The following DSG1 variants were observed in gnomAD, a reference collection of about 807,000 sequenced individuals.
DSG1 encodes the protein desmoglein 1.
A neutral mutation model predicts 97.5 loss-of-function variants in DSG1; 39 were observed. The ratio of observed to expected loss-of-function variants is 0.40; its 90% CI spans 0.31 to 0.52. DSG1 has a LOEUF of 0.52. DSG1 is among the 20% of genes least tolerant of loss of function. DSG1 has a pLI of 0.53. For synonymous variants in DSG1, 475 were observed against 443.4 expected (o/e 1.07, Z -0.90); for missense variants, 1,311 against 1,295.4 (o/e 1.01, Z -0.18).
intron 14 of DSG1, among the ~76,000 whole-genome samples, chr18:31,346,656 A>G (rs2071840482): frequency 6.6e-6 from 1 of 152,102 alleles, no homozygotes; most frequent in South Asian, 2.1e-4. Flanking sequence ...CAGTCCAAAT[A>G]TCACTCTCCC....
chr18:31,343,816 T>A (rs1419830904), intron 12 of DSG1, 110 bp from the exon 13 acceptor site: 2 of 837,398 alleles, frequency 2.4e-6, no homozygotes, highest in Admixed American at 2.6e-5. Context: ...CTAAATAGTA[T>A]TTTTTTTTTA....
rs559051142 is a variant in DSG1 at position 31,329,937 on chromosome 18, C to A, written c.418C>A (p.Pro140Thr). 4 of 1,613,276 alleles carry A rather than the reference C, an allele frequency of 2.5e-6. No individual in the cohort carries two copies. The South Asian group carries it at 4.4e-5, about 18-fold the overall frequency. Residue 140 changes from proline to threonine, a missense_variant, in exon 5 of 15, where the codon CCT (proline) becomes ACT (threonine). By Grantham distance (38) the Pro-to-Thr change is conservative. Transcript: ENST00000257192. ...LNSMGQDLER[P>T]LELRVRVLDI... is the part of the protein sequence containing the mutation. ...CTCAATGGGCCAAGATTTAGAGAGG[C>A]CTCTAGAGCTCAGAGTCAGGGTTTT... is the stretch of plus-strand genomic sequence containing the variant.
At chr18:31,353,778 C>G (rs543437886) in intron 14 of DSG1, 10 of 168,028 alleles carry the variant, frequency 6.0e-5, no homozygotes, top group Admixed American at 1.7e-4. Flanking sequence ...AAAGGGAACT[C>G]CCTGACCCCT....
At chr18:31,350,552 C>T (rs1470903310) in intron 14 of DSG1, among the ~76,000 whole-genome samples, 2,742 of 149,292 alleles carry the variant, frequency 0.018, 68 homozygotes, top group African/African-American at 0.065. Flanking sequence ...GGTACCAGTT[C>T]CTCCTTGTAC....
At position 31,343,932 on chromosome 18, in the gene DSG1, A is replaced by G. The variant is rs1455452813; in HGVS notation, c.1828A>G (p.Thr610Ala). ...GTTGTTTCCTGTCTTTTAGGATATAACCACTGTCATACCACAAATACCACC... is the reference window on the plus strand; with the variant it reads ...GTTGTTTCCTGTCTTTTAGGATATAGCCACTGTCATACCACAAATACCACC... ...EGPQPEPRDI[T>A]TVIPQIPPDN... The change falls in exon 13 of 15, where the codon ACC (threonine) becomes GCC (alanine). Residue 610 changes from threonine to alanine, a missense_variant. Thr to Ala is a moderately conservative substitution (Grantham distance 58). This residue lies in a region of DSG1 where 1,038 missense variants were observed against 964.6 expected (regional missense o/e 1.08). Coordinates refer to ENST00000257192, the MANE Select transcript of DSG1 (RefSeq NM_001942.4). 6.2e-7 allele frequency: 1 copy of G among 1,611,958 alleles called. No homozygotes were observed. Among genetic ancestry groups the G allele is most frequent in the Non-Finnish European group, 8.5e-7 (1 of 1,178,294 alleles).
intron 5 of DSG1, among the ~76,000 whole-genome samples, chr18:31,330,303 C>T (rs975833319): frequency 2.0e-5 from 3 of 152,056 alleles, no homozygotes; most frequent in African/African-American, 4.8e-5. Context: ...GCATTTTGCA[C>T]AATGGTGGCA....
At position 31,321,998 on chromosome 18, in the gene DSG1, T is replaced by C. The variant is rs138096464; in HGVS notation, c.48+3650T>C. Among the ~76,000 whole-genome samples, 1,057 of 152,324 alleles carry C rather than the reference T, an allele frequency of 6.9e-3. 6 individuals carry two copies. Among genetic ancestry groups the C allele is most frequent in the South Asian group, 0.019 (91 of 4,824 alleles). ...GCTGGGTCATGCCACCCTTGCTGAT[T>C]ATGCTTGATATGCAAATTCCTTCAA... On this transcript the variant is annotated intron_variant, in intron 1 of 14. Transcript: ENST00000257192.
chr18:31,353,413 C>A (rs1240140083), intron 14 of DSG1, among the ~76,000 whole-genome samples: 1 of 150,584 alleles, frequency 6.6e-6, no homozygotes, highest in African/African-American at 2.4e-5. Flanking sequence ...GAGGTTACTG[C>A]TGTCTTTTTG....
At chr18:31,347,779 A>G (rs1037056388) in intron 14 of DSG1, 2 of 152,176 alleles carry the variant, frequency 1.3e-5, no homozygotes, top group African/African-American at 2.4e-5. Flanking sequence ...TGAAAAAGTC[A>G]TGTTGCAATA....
intron 1 of DSG1, among the ~76,000 whole-genome samples, chr18:31,319,988 A>T (rs2071643713): frequency 6.6e-6 from 1 of 152,052 alleles, no homozygotes; most frequent in African/African-American, 2.4e-5. Flanking sequence ...AGTCTCCCAC[A>T]TGCCTTATGA....
At chr18:31,334,268 A>G in intron 8 of DSG1, 66 bp downstream of exon 8, 1 of 1,154,362 alleles carries the variant, frequency 8.7e-7, no homozygotes, top group Admixed American at 1.8e-5. Flanking sequence ...AACTTAAAAT[A>G]AAATGATGCT....
intron 1 of DSG1, among the ~76,000 whole-genome samples, chr18:31,325,689 A>AT (rs1417662695): frequency 6.6e-6 from 1 of 152,136 alleles, no homozygotes; most frequent in East Asian, 1.9e-4. Context: ...TAAAATCAGA[A>AT]TTTTTTGAGT....
chr18:31,324,785 T>G (rs2071675877), intron 1 of DSG1, among the ~76,000 whole-genome samples: 1 of 152,202 alleles, frequency 6.6e-6, no homozygotes, highest in Non-Finnish European at 1.5e-5. Context: ...GACCCTCAAC[T>G]GCTCACCGTC....
At chr18:31,331,500 C>T (rs959718558) in intron 5 of DSG1, among the ~76,000 whole-genome samples, 1 of 151,956 alleles carries the variant, frequency 6.6e-6, no homozygotes, top group African/African-American at 2.4e-5. Flanking sequence ...GTCTAGATTC[C>T]TAGTAAAATG....
chr18:31,345,856 T>C (rs2144110660), intron 13 of DSG1, 134 bp from the exon 14 acceptor site: 1 of 667,580 alleles, frequency 1.5e-6, no homozygotes, highest in East Asian at 2.7e-5. Flanking sequence ...CTCCTTTCTT[T>C]ATGTATTATC....
chr18:31,330,887 A>G (rs1268240991), intron 5 of DSG1, among the ~76,000 whole-genome samples: 1 of 152,132 alleles, frequency 6.6e-6, no homozygotes, highest in Non-Finnish European at 1.5e-5. Flanking sequence ...TTAATTATCT[A>G]GTGAAAACAT....
chr18:31,346,707 T>G (rs964685823), intron 14 of DSG1, among the ~76,000 whole-genome samples: 2 of 152,194 alleles, frequency 1.3e-5, no homozygotes, highest in Non-Finnish European at 2.9e-5. Context: ...CAAAATAGGA[T>G]TAATGTTTTC....
chr18:31,327,749 G>A (rs897170751), intron 3 of DSG1, among the ~76,000 whole-genome samples: 9 of 152,006 alleles, frequency 5.9e-5, no homozygotes, highest in East Asian at 3.9e-4. Flanking sequence ...TACTTTCTTC[G>A]AAAACTTTAC....
rs574511519 is a variant in DSG1, at chr18:31,356,365, G to A, written c.*1019G>A. On this transcript the variant is annotated 3_prime_UTR_variant, in exon 15 of 15. Coordinates refer to ENST00000257192, the MANE Select transcript of DSG1 (RefSeq NM_001942.4). ...CTCTGAAGTTAAAATGATTTACATA[G>A]GCCGAGCTGTGGACAAAAAAAAAAG... The A allele has an allele frequency of 1.8e-4, 28 of 151,998 alleles. 1 individual carries two copies. The East Asian group carries it at 5.4e-3, about 29-fold the overall frequency. 9.4% of individuals were successfully genotyped at this position (151,998 alleles called of 1,614,324 possible).
Sources: allele counts gnomAD v4.1 joint callset (sites outside exome capture counted in the v4.1 genomes callset), GRCh38; gene constraint gnomAD v4.1.1; regional missense constraint gnomAD v4.1.1; transcripts MANE v1.5; gene names NCBI Gene and HGNC (gene_info 2026-07-23, HGNC 2026-07-21).